The following CHRM5 variants were observed in gnomAD, a reference collection of about 807,000 sequenced individuals.
The protein encoded by CHRM5 is cholinergic receptor muscarinic 5.
CHRM5 carries 18 observed loss-of-function variants against 39.0 expected under a neutral mutation model. The observed-to-expected ratio is 0.46, with a 90% CI of 0.32 to 0.68. The LOEUF (loss-of-function observed/expected upper bound fraction) is 0.68, where lower values mean the gene tolerates loss of function less well. Among genes scored for constraint, CHRM5 ranks in the 30% least tolerant of loss-of-function variants. The probability of loss-of-function intolerance (pLI) is 0.04; values close to 1 mark genes in which losing one functional copy is unlikely to be tolerated. For synonymous variants in CHRM5, 241 were observed against 246.3 expected (o/e 0.98, Z 0.20); for missense variants, 515 against 651.1 (o/e 0.79, Z 2.28).
chr15:34,028,841 A>T (rs1304414415), intron 1 of CHRM5, among the ~76,000 whole-genome samples: 6 of 152,032 alleles, frequency 3.9e-5, no homozygotes, highest in Non-Finnish European at 7.4e-5. Context: ...CACCACCATC[A>T]TCGGCCACCA....
At chr15:33,979,935 C>T (rs58368948) in intron 1 of CHRM5, among the ~76,000 whole-genome samples, 6,053 of 152,274 alleles carry the variant, frequency 0.04, 424 homozygotes, top group African/African-American at 0.14. Context: ...CAGGTGAACA[C>T]TAACTTGTTC....
chr15:34,051,840 C>T (rs2140827707), intron 2 of CHRM5, among the ~76,000 whole-genome samples: 1 of 151,670 alleles, frequency 6.6e-6, no homozygotes, highest in Non-Finnish European at 1.5e-5. Context: ...AATTGAGGCA[C>T]TAATAAATAG....
chr15:33,995,168 G>A lies in CHRM5; in HGVS notation c.-408+26018G>A, dbSNP rs151127630. Among the ~76,000 whole-genome samples, 19 of 152,244 alleles carry A rather than the reference G, an allele frequency of 1.2e-4. No homozygotes were observed. The East Asian group carries it at 3.1e-3, about 25-fold the overall frequency. ...AGTCCCACCTACTCAGGAGGCTGGG[G>A]CAGGAGGATTGCTTGAGCCCAGGAG... is the stretch of plus-strand genomic sequence containing the variant. On this transcript the variant is annotated intron_variant, in intron 1 of 2. Coordinates refer to ENST00000383263, the MANE Select transcript of CHRM5 (RefSeq NM_012125.4).
chr15:34,064,284 T>A lies in CHRM5; in HGVS notation c.1567T>A (p.Leu523Met), dbSNP rs144938376. Residue 523 changes from leucine (L) to methionine (M), a missense_variant, in exon 3 of 3, where the codon TTG (leucine) becomes ATG (methionine). Leu to Met is a conservative substitution (Grantham distance 15, BLOSUM62 2). Coordinates refer to ENST00000383263, the MANE Select transcript of CHRM5 (RefSeq NM_012125.4). The part of the protein sequence containing the change: ...RWKKKKVEEK[L>M]YWQGNSKLP Reference sequence around the variant, plus strand: ...GAAAAAGAAAAAAGTGGAAGAGAAGTTGTACTGGCAGGGGAACAGCAAGCT... The same window carrying A: ...GAAAAAGAAAAAAGTGGAAGAGAAGATGTACTGGCAGGGGAACAGCAAGCT... 895 of 1,613,782 alleles carry A rather than the reference T, an allele frequency of 5.5e-4. 5 individuals are homozygous for A. The African/African-American group carries it at 0.01, about 18-fold the overall frequency.
intron 1 of CHRM5, among the ~76,000 whole-genome samples, chr15:34,018,049 T>C (rs1365688472): frequency 6.6e-6 from 1 of 152,164 alleles, no homozygotes; most frequent in Admixed American, 6.5e-5. Context: ...TACTAAATGG[T>C]TTATGTATTT....
rs909926798 is a variant in CHRM5, at chr15:34,064,607, T to A, written c.*291T>A. The A allele has an allele frequency of 1.0e-5, 4 of 397,096 alleles. No individual in the cohort carries two copies. Among genetic ancestry groups the A allele is most frequent in the Non-Finnish European group, 1.4e-5 (3 of 213,238 alleles). 24.6% of individuals were successfully genotyped at this position (397,096 alleles called of 1,614,324 possible). ...CCTTCACAAGAGGAAGCACACTGGG[T>A]AACAATGAACAGTGACTCAGGGAAC... On this transcript the variant is annotated 3_prime_UTR_variant, in exon 3 of 3. Coordinates refer to ENST00000383263, the MANE Select transcript of CHRM5 (RefSeq NM_012125.4).
rs533697180 is a variant in CHRM5, at chr15:33,982,798, T to C, written c.-408+13648T>C. Among the ~76,000 whole-genome samples the C allele has an allele frequency of 7.2e-4, 108 of 150,576 alleles. 1 individual carries two copies. Among genetic ancestry groups the C allele is most frequent in the Admixed American group, 1.7e-3 (25 of 15,142 alleles). ...TGAATCGAAAAACACATCAACCACA[T>C]TCTCTCTCTCTCTCTGGACCAGCCC... On this transcript the variant is annotated intron_variant, in intron 1 of 2. Coordinates refer to ENST00000383263, the MANE Select transcript of CHRM5 (RefSeq NM_012125.4).
At position 34,052,533 on chromosome 15, in the gene CHRM5, A is replaced by G. The variant is rs114317317; in HGVS notation, c.-76+5662A>G. On this transcript the variant is annotated intron_variant, in intron 2 of 2. Transcript: ENST00000383263. ...AAGAGAAAGAAATGAAGCATATTCA[A>G]ATAGGAAGACAGGATGTCAAATTAT... 8.2e-3 allele frequency among the ~76,000 whole-genome samples: 1,256 copies of G among 152,328 alleles called. 24 individuals are homozygous for G. The highest frequency in any genetic ancestry group is 0.029 in the African/African-American group (1,199 of 41,578).
At chr15:33,982,109 C>T (rs567253546) in intron 1 of CHRM5, among the ~76,000 whole-genome samples, 20 of 152,026 alleles carry the variant, frequency 1.3e-4, no homozygotes, top group African/African-American at 4.8e-4. Flanking sequence ...TCAGATGATC[C>T]ACCCGCCTCA....
chr15:34,033,281 G>A (rs1016734798), intron 1 of CHRM5, among the ~76,000 whole-genome samples: 15 of 152,224 alleles, frequency 9.9e-5, no homozygotes, highest in African/African-American at 1.4e-4. Context: ...AGAAGCGGGC[G>A]GACTGCCTGA....
chr15:33,988,242 T>C (rs532178804), intron 1 of CHRM5, among the ~76,000 whole-genome samples: 1 of 152,034 alleles, frequency 6.6e-6, no homozygotes, highest in East Asian at 1.9e-4. Context: ...ATAAACATAG[T>C]TTTTTTTAGT....
chr15:34,007,760 A>C (rs992023169), intron 1 of CHRM5, among the ~76,000 whole-genome samples: 1 of 152,218 alleles, frequency 6.6e-6, no homozygotes, highest in Non-Finnish European at 1.5e-5. Context: ...TCAGTTCTGG[A>C]GGCTAGAAAT....
chr15:34,033,934 C>T lies in CHRM5; in HGVS notation c.-407-12606C>T, dbSNP rs528008800. Among the ~76,000 whole-genome samples, 55 of 152,070 alleles carry T rather than the reference C, an allele frequency of 3.6e-4. 1 individual carries two copies. The South Asian group carries it at 3.7e-3, about 10-fold the overall frequency. The stretch of plus-strand genomic sequence containing the variant: ...TCCCAAGTAGCTGGGATTACAGGTG[C>T]GCGCCACCATGCCCAGCTAACTTTT... On this transcript the variant is annotated intron_variant, in intron 1 of 2. Transcript: ENST00000383263.
intron 1 of CHRM5, among the ~76,000 whole-genome samples, chr15:33,985,603 A>G (rs190842238): frequency 2.1e-4 from 32 of 152,050 alleles, no homozygotes; most frequent in African/African-American, 6.5e-4. Context: ...GGCCACTGCA[A>G]TTCAGCTCTC....
chr15:33,986,104 GTTTT>G (rs869180796), intron 1 of CHRM5, among the ~76,000 whole-genome samples: 1 of 151,402 alleles, frequency 6.6e-6, no homozygotes, highest in African/African-American at 2.4e-5. Context: ...TTTTTTTTTT[GTTTT>G]TTGTTTTTTG....
intron 1 of CHRM5, among the ~76,000 whole-genome samples, chr15:34,008,034 A>C (rs1440984384): frequency 1.3e-5 from 2 of 152,186 alleles, no homozygotes; most frequent in Non-Finnish European, 1.5e-5. Context: ...TTTCCAAATA[A>C]GATCACACTC....
At chr15:34,017,459 G>A (rs1444285232) in intron 1 of CHRM5, among the ~76,000 whole-genome samples, 2 of 147,822 alleles carry the variant, frequency 1.4e-5, no homozygotes, top group African/African-American at 2.5e-5. Context: ...ACCAAGATAA[G>A]TGATTTCAGT....
chr15:33,981,727 T>G (rs991736073), intron 1 of CHRM5, among the ~76,000 whole-genome samples: 5 of 152,234 alleles, frequency 3.3e-5, no homozygotes, highest in Admixed American at 6.5e-5. Context: ...TTGAGCTTAA[T>G]TTATCTCATC....
chr15:34,063,716 A>G lies in CHRM5; in HGVS notation c.999A>G (p.Pro333=). ...VVYKSQGKES[P]GEEFSAEETE... ...ACAAGAGTCAGGGTAAGGAAAGCCC[A>G]GGGGAAGAATTCAGTGCTGAAGAGA... is the stretch of plus-strand genomic sequence containing the variant. Residue 333 remains proline (P), a synonymous_variant, in exon 3 of 3, where the codon CCA becomes CCG. Transcript: ENST00000383263. The surrounding 1 kb of genome is among the most constrained non-coding windows in gnomAD (Gnocchi z 4.1). The G allele has an allele frequency of 6.2e-7, 1 of 1,614,236 alleles. No homozygotes were observed. The highest frequency in any genetic ancestry group is 2.2e-5 in the East Asian group (1 of 44,878).
Sources: allele counts gnomAD v4.1 joint callset (sites outside exome capture counted in the v4.1 genomes callset), GRCh38; gene constraint gnomAD v4.1.1; non-coding constraint Gnocchi (gnomAD v3.1); transcripts MANE v1.5; gene names NCBI Gene and HGNC (gene_info 2026-07-23, HGNC 2026-07-21).